The following DENND11 variants were observed in gnomAD, a reference collection of about 807,000 sequenced individuals.
DENND11 encodes the protein DENN domain containing 11.
A neutral mutation model predicts 49.2 loss-of-function variants in DENND11; 34 were observed. That is an observed-to-expected ratio of 0.69 (90% confidence interval 0.53 to 0.92). The LOEUF is 0.92. Among genes scored for constraint, DENND11 ranks in the 40% least tolerant of loss-of-function variants. The pLI is 0.00. For synonymous variants in DENND11, 238 were observed against 230.3 expected (o/e 1.03, Z -0.30); for missense variants, 475 against 581.6 (o/e 0.82, Z 1.88).
chr7:141,674,682 G>A (rs1215198495), intron 3 of DENND11, among the ~76,000 whole-genome samples: 1 of 152,154 alleles, frequency 6.6e-6, no homozygotes, highest in Non-Finnish European at 1.5e-5. Context: ...GAAGAATACG[G>A]AGCTTACCCC....
At chr7:141,664,502 G>C (rs1797855869) in intron 7 of DENND11, among the ~76,000 whole-genome samples, 1 of 152,196 alleles carries the variant, frequency 6.6e-6, no homozygotes, top group Non-Finnish European at 1.5e-5. Context: ...AGGATCACCA[G>C]ATTATTGACA....
chr7:141,686,305 T>C (rs1263017769), intron 2 of DENND11, among the ~76,000 whole-genome samples: 1 of 152,308 alleles, frequency 6.6e-6, no homozygotes, highest in East Asian at 1.9e-4. Flanking sequence ...GTGAGGTCCA[T>C]GTAATTTCTG....
rs1244555163 is a variant in DENND11 at position 141,674,119 on chromosome 7, G to A, written c.629C>T (p.Pro210Leu). The change falls in exon 4 of 9, where the codon CCC becomes CTC. Residue 210 changes from proline to leucine, a missense_variant. Transcript: ENST00000536163. Reference sequence around the variant, plus strand: ...GATGGAAGGCAGCCAGTAGACAGGGGGCAGGCTGCTGCCTCTGCCGGGACC... The same window carrying A: ...GATGGAAGGCAGCCAGTAGACAGGGAGCAGGCTGCTGCCTCTGCCGGGACC... ...HAGPGRGSSL[P>L]PVYWLPSIHR... 2 of 1,599,760 alleles carry A rather than the reference G, an allele frequency of 1.3e-6. No individual in the cohort carries two copies. The highest frequency in any genetic ancestry group is 1.7e-6 in the Non-Finnish European group (2 of 1,173,400).
chr7:141,674,034 A>G, intron 4 of DENND11, 33 bp downstream of exon 4: 9 of 1,592,846 alleles, frequency 5.7e-6, no homozygotes, highest in Non-Finnish European at 7.7e-6. Context: ...ATACAGATCC[A>G]GTATAGTGTA....
rs1238861653 is a variant in DENND11 at position 141,658,847 on chromosome 7, T to C, written c.*3809A>G. The C allele has an allele frequency of 6.6e-6, 1 of 152,584 alleles. No individual in the cohort carries two copies. Among genetic ancestry groups the C allele is most frequent in the East Asian group, 1.9e-4 (1 of 5,194 alleles). 9.5% of individuals were successfully genotyped at this position (152,584 alleles called of 1,614,324 possible). A position where few individuals can be genotyped will look rare whatever the true frequency, so the allele number is the denominator to read the frequency against. On this transcript the variant is annotated 3_prime_UTR_variant, in exon 9 of 9. Transcript: ENST00000536163. The stretch of plus-strand genomic sequence containing the variant: ...TTACTGTCCTTTACAAAAGCTTCCC[T>C]GAAGGCCTCAGTTTAAAGATGAGTG...
intron 1 of DENND11, among the ~76,000 whole-genome samples, chr7:141,696,480 A>G (rs1426018921): frequency 6.6e-6 from 1 of 152,198 alleles, no homozygotes; most frequent in Admixed American, 6.5e-5. Flanking sequence ...CTCCTCTGTT[A>G]GATGGTTCCC....
intron 1 of DENND11, among the ~76,000 whole-genome samples, chr7:141,690,868 G>T (rs1011544926): frequency 2.6e-5 from 4 of 152,006 alleles, no homozygotes; most frequent in African/African-American, 9.7e-5. Context: ...GTGAATCTCC[G>T]TGAGATCAAT....
intron 3 of DENND11, among the ~76,000 whole-genome samples, chr7:141,681,631 G>A (rs1041955833): frequency 1.3e-5 from 2 of 152,196 alleles, no homozygotes; most frequent in Non-Finnish European, 2.9e-5. Flanking sequence ...TTTGGCCATG[G>A]ATATTTTACC....
chr7:141,678,276 A>T (rs565726058), intron 3 of DENND11, among the ~76,000 whole-genome samples: 24 of 152,246 alleles, frequency 1.6e-4, no homozygotes, highest in African/African-American at 5.8e-4. Flanking sequence ...AATCCTTTTT[A>T]AAAGAAATAA....
rs772419153 is a variant in DENND11, at chr7:141,674,087, A to G, written c.661T>C (p.Tyr221His). The G allele has an allele frequency of 7.5e-6, 12 of 1,604,784 alleles. No individual in the cohort carries two copies. The highest frequency in any genetic ancestry group is 1.0e-5 in the Non-Finnish European group (12 of 1,175,958). ...CTCACCTTCATCTCAGGGTACATGT[A>G]TCGGTGGATGGAAGGCAGCCAGTAG... The part of the protein sequence containing the change: ...PVYWLPSIHR[Y>H]MYPEMKITHP... Residue 221 changes from tyrosine (Y) to histidine (H), a missense_variant, in exon 4 of 9, where the codon TAC becomes CAC. Coordinates refer to ENST00000536163, the MANE Select transcript of DENND11 (RefSeq NM_001080392.2).
At position 141,686,586 on chromosome 7, in the gene DENND11, C is replaced by G; in HGVS notation, c.341G>C (p.Gly114Ala). The G allele has an allele frequency of 5.0e-6, 8 of 1,612,278 alleles. No homozygotes were observed. The highest frequency in any genetic ancestry group is 6.8e-6 in the Non-Finnish European group (8 of 1,178,660). Residue 114 changes from glycine (G) to alanine (A), a missense_variant, in exon 2 of 9, where the codon GGG becomes GCG. Transcript: ENST00000536163. ...GAAATCAGATTGGATTTTATGGGAC[C>G]CACTGGCCATAGACTTGAACTCAAC... ...EGVEFKSMAS[G>A]SHKIQSDFIY...
intron 3 of DENND11, among the ~76,000 whole-genome samples, chr7:141,676,276 C>T (rs895052801): frequency 6.6e-6 from 1 of 151,928 alleles, no homozygotes; most frequent in Non-Finnish European, 1.5e-5. Flanking sequence ...TCAAATTTCC[C>T]TAAAAAGAAT....
At chr7:141,699,582 C>G (rs1798472820) in intron 1 of DENND11, among the ~76,000 whole-genome samples, 1 of 152,162 alleles carries the variant, frequency 6.6e-6, no homozygotes, top group African/African-American at 2.4e-5. Context: ...TACAAGTGCT[C>G]CCTCTCACAC....
intron 4 of DENND11, 76 bp downstream of exon 4, chr7:141,673,991 C>G (rs1280286596): frequency 6.7e-7 from 1 of 1,485,324 alleles, no homozygotes; most frequent in Non-Finnish European, 9.1e-7. Flanking sequence ...ATTTTTTATT[C>G]ATTAAAAAGT....
chr7:141,696,115 T>C (rs991372981), intron 1 of DENND11, among the ~76,000 whole-genome samples: 3 of 152,184 alleles, frequency 2.0e-5, no homozygotes, highest in African/African-American at 7.2e-5. Flanking sequence ...TGGCTGAGGA[T>C]GTACAGATGG....
In DENND11 at chr7:141,674,230, AACACAC is replaced by A. The variant is rs35125206; in HGVS notation, c.528-16_528-11del. 154 of 1,494,202 alleles carry A rather than the reference AACACAC, an allele frequency of 1.0e-4. No individual in the cohort carries two copies. The highest frequency in any genetic ancestry group is 8.0e-4 in the East Asian group (32 of 39,998). 92.6% of individuals were successfully genotyped at this position (1,494,202 alleles called of 1,614,324 possible). A position where few individuals can be genotyped will look rare whatever the true frequency, so the allele number is the denominator to read the frequency against. On this transcript the variant is annotated splice_polypyrimidine_tract_variant and intron_variant, in intron 3 of 8. Coordinates refer to ENST00000536163, the MANE Select transcript of DENND11 (RefSeq NM_001080392.2). The stretch of plus-strand genomic sequence containing the variant: ...CATCTCCAACTGGTGCCTGCAGAAA[AACACAC>A]ACACACACACACACACACACACAGT...
chr7:141,672,510 T>C (rs1265964334), intron 4 of DENND11, among the ~76,000 whole-genome samples: 1 of 152,176 alleles, frequency 6.6e-6, no homozygotes, highest in Non-Finnish European at 1.5e-5. Context: ...ACTGAGGCCT[T>C]CAGTTCAAAA....
intron 1 of DENND11, among the ~76,000 whole-genome samples, chr7:141,687,911 G>A (rs1298099037): frequency 6.6e-6 from 1 of 152,100 alleles, no homozygotes; most frequent in East Asian, 1.9e-4. Context: ...TGGGATTACA[G>A]GCGTGAGCCA....
At chr7:141,678,448 ATTT>A (rs1044694213) in intron 3 of DENND11, among the ~76,000 whole-genome samples, 17 of 152,116 alleles carry the variant, frequency 1.1e-4, no homozygotes, top group Non-Finnish European at 2.4e-4. Context: ...CTATTTCTTA[ATTT>A]TATACTTAGT....
Sources: allele counts gnomAD v4.1 joint callset (sites outside exome capture counted in the v4.1 genomes callset), GRCh38; gene constraint gnomAD v4.1.1; transcripts MANE v1.5; gene names NCBI Gene and HGNC (gene_info 2026-07-23, HGNC 2026-07-21).